RBM19: variants seen among roughly 807,000 people sequenced by gnomAD.
RBM19 encodes RNA binding motif protein 19, also known as probable RNA-binding protein 19.
In RBM19, 94 loss-of-function variants were observed where a neutral mutation model predicts 116.8. That is an observed-to-expected ratio of 0.80 (90% CI 0.68 to 0.95). The LOEUF is 0.95. Among genes scored for constraint, RBM19 ranks in the 40% least tolerant of loss-of-function variants. The probability of loss-of-function intolerance (pLI) is 0.00; values close to 1 mark genes in which losing one functional copy is unlikely to be tolerated. For missense variants in RBM19, 1,161 were observed against 1,220.7 expected (o/e 0.95, Z 0.73); for synonymous variants, 475 against 494.1 (o/e 0.96, Z 0.51).
At chr12:113,887,689 C>G (rs1368881527) in intron 21 of RBM19, among the ~76,000 whole-genome samples, 4 of 150,096 alleles carry the variant, frequency 2.7e-5, no homozygotes, top group African/African-American at 9.8e-5. Context: ...TCTAGTAGAT[C>G]TGATTTCACT....
At chr12:113,896,353 G>A (rs557967872) in intron 21 of RBM19, among the ~76,000 whole-genome samples, 27 of 152,278 alleles carry the variant, frequency 1.8e-4, no homozygotes, top group African/African-American at 6.5e-4. Flanking sequence ...GGTGCTTAGA[G>A]CTCCAGGGAA....
intron 21 of RBM19, among the ~76,000 whole-genome samples, chr12:113,909,826 A>G (rs1263466035): frequency 6.6e-6 from 1 of 152,218 alleles, no homozygotes; most frequent in African/African-American, 2.4e-5. Flanking sequence ...GAAACACAGT[A>G]ATAACAGCTA....
chr12:113,908,353 C>A, intron 21 of RBM19, among the ~76,000 whole-genome samples: 1 of 151,924 alleles, frequency 6.6e-6, no homozygotes, highest in East Asian at 1.9e-4. Flanking sequence ...CATGAGTGAG[C>A]AAGCTGTCCT....
At chr12:113,949,995 A>C in intron 9 of RBM19, 88 bp downstream of exon 9, 2 of 1,172,406 alleles carry the variant, frequency 1.7e-6, no homozygotes, top group South Asian at 1.4e-5. Flanking sequence ...GGTGGTGGTG[A>C]TGGTGCTGGT....
chr12:113,852,572 G>C (rs1289607589), intron 22 of RBM19, among the ~76,000 whole-genome samples: 1 of 152,218 alleles, frequency 6.6e-6, no homozygotes, highest in African/African-American at 2.4e-5. Flanking sequence ...CAGGACAATG[G>C]ACACCTAGGT....
At chr12:113,942,503 C>G (rs770243068) in intron 13 of RBM19, 69 bp from the exon 14 acceptor site, 7 of 1,312,570 alleles carry the variant, frequency 5.3e-6, no homozygotes, top group African/African-American at 1.5e-5. Flanking sequence ...TCCCATCTCC[C>G]AACAGCCTGA....
intron 6 of RBM19, among the ~76,000 whole-genome samples, chr12:113,956,480 C>G (rs1871950474): frequency 6.8e-6 from 1 of 148,072 alleles, no homozygotes; most frequent in African/African-American, 2.5e-5. Flanking sequence ...ACTCGGGAGG[C>G]TGAGGCATGA....
At chr12:113,951,710 G>A (rs1316787517) in intron 8 of RBM19, among the ~76,000 whole-genome samples, 1 of 152,226 alleles carries the variant, frequency 6.6e-6, no homozygotes, top group Non-Finnish European at 1.5e-5. Context: ...AGCTGGGTAA[G>A]TGGGACTTCC....
At chr12:113,919,415 C>A (rs777804232) in intron 19 of RBM19, among the ~76,000 whole-genome samples, 1 of 152,110 alleles carries the variant, frequency 6.6e-6, no homozygotes, top group East Asian at 1.9e-4. Flanking sequence ...ACTAAAAATA[C>A]GAAAAATTAG....
At chr12:113,945,407 C>T (rs554142829) in intron 13 of RBM19, among the ~76,000 whole-genome samples, 3 of 152,308 alleles carry the variant, frequency 2.0e-5, no homozygotes, top group Admixed American at 6.5e-5. Flanking sequence ...GTTGGCCAGA[C>T]CTGGTGTCCT....
At chr12:113,966,048 G>A in intron 1 of RBM19, 144 bp downstream of exon 1, 2 of 884,028 alleles carry the variant, frequency 2.3e-6, no homozygotes, top group Admixed American at 4.3e-5. Context: ...ATAAGCCCAG[G>A]ATCCCGCCCC....
Position 113,878,668 on chromosome 12 carries a change from CACA to C in RBM19, c.2559-19775_2559-19773del, listed in dbSNP as rs1565992865. ...ACACACACACACACACACACACACACACACCCTCACTCAGCAAACGTCCCATAG... is the reference window on the plus strand; with the variant it reads ...ACACACACACACACACACACACACACCCCTCACTCAGCAAACGTCCCATAG... On this transcript the variant is annotated intron_variant, in intron 21 of 23. Transcript: ENST00000261741. Among the ~76,000 whole-genome samples, 1,004 of 150,502 alleles carry C rather than the reference CACA, an allele frequency of 6.7e-3. 15 individuals carry two copies. The highest frequency in any genetic ancestry group is 0.024 in the African/African-American group (969 of 40,166).
At chr12:113,938,405 A>C (rs1025722673) in intron 15 of RBM19, among the ~76,000 whole-genome samples, 2 of 110,766 alleles carry the variant, frequency 1.8e-5, no homozygotes, top group African/African-American at 9.5e-5. Flanking sequence ...GGGGACATGA[A>C]TATCTATCTC....
At chr12:113,831,345 T>C (rs1354432356) in intron 23 of RBM19, among the ~76,000 whole-genome samples, 1 of 152,184 alleles carries the variant, frequency 6.6e-6, no homozygotes, top group Non-Finnish European at 1.5e-5. Context: ...TCTGTGTGTT[T>C]TCCTTGGGTT....
At chr12:113,835,422 G>A (rs1875790977) in intron 23 of RBM19, among the ~76,000 whole-genome samples, 1 of 152,132 alleles carries the variant, frequency 6.6e-6, no homozygotes. Flanking sequence ...AGCACCTGAC[G>A]GCAGGCTGTG....
At chr12:113,839,357 G>T (rs528726798) in intron 23 of RBM19, among the ~76,000 whole-genome samples, 1 of 152,326 alleles carries the variant, frequency 6.6e-6, no homozygotes, top group Admixed American at 6.5e-5. Flanking sequence ...GACATCAATC[G>T]GACAATAGGT....
intron 15 of RBM19, among the ~76,000 whole-genome samples, chr12:113,939,749 C>CAAAA (rs369339749): frequency 1.1e-4 from 15 of 140,390 alleles, no homozygotes; most frequent in South Asian, 2.3e-4. Context: ...GACTCTGTCT[C>CAAAA]AAAAAAAAAA....
rs779171103 is a variant in RBM19, at chr12:113,858,861, T to C, written c.2594A>G (p.Lys865Arg). Residue 865 changes from lysine (K) to arginine (R), a missense_variant, in exon 22 of 24, where the codon AAG becomes AGG. Lys to Arg is a conservative substitution (Grantham distance 26, BLOSUM62 2). Coordinates refer to ENST00000261741, the MANE Select transcript of RBM19 (RefSeq NM_016196.4). ...FGELKTVRLP[K>R]KMTGTGTHRG... ...GTGTGTGCCTGTCCCAGTCATCTTC[T>C]TTGGCAGGCGGACCGTCTTCAACTC... The C allele has an allele frequency of 1.9e-6, 3 of 1,614,148 alleles. No individual in the cohort carries two copies. In the South Asian group the frequency reaches 3.3e-5, roughly 18 times the overall value.
At chr12:113,949,970 A>T in intron 9 of RBM19, 113 bp downstream of exon 9, 1 of 975,858 alleles carries the variant, frequency 1.0e-6, no homozygotes, top group Non-Finnish European at 1.6e-6. Context: ...GTGTCTGCAG[A>T]GACACTGCAT....
Sources: allele counts gnomAD v4.1 joint callset (sites outside exome capture counted in the v4.1 genomes callset), GRCh38; gene constraint gnomAD v4.1.1; transcripts MANE v1.5; gene names NCBI Gene and HGNC (gene_info 2026-07-23, HGNC 2026-07-21).